MYRIP: variants seen among roughly 807,000 people sequenced by gnomAD.
MYRIP encodes rab effector MyRIP.
A neutral mutation model predicts 98.0 loss-of-function variants in MYRIP; 49 were observed. The ratio of observed to expected loss-of-function variants is 0.50; its 90% CI spans 0.40 to 0.63. MYRIP has a LOEUF of 0.63. MYRIP is among the 30% of genes least tolerant of loss of function. The pLI is 0.00. For synonymous variants in MYRIP, 404 were observed against 409.5 expected (o/e 0.99, Z 0.16); for missense variants, 1,004 against 1,058.2 (o/e 0.95, Z 0.71).
At chr3:40,035,561 A>G (rs778389378) in intron 2 of MYRIP, among the ~76,000 whole-genome samples, 18 of 152,042 alleles carry the variant, frequency 1.2e-4, no homozygotes, top group Non-Finnish European at 1.8e-4. Context: ...AGAACTGAAT[A>G]TAAGAATCAG....
At chr3:40,126,134 C>T (rs565326313) in intron 3 of MYRIP, among the ~76,000 whole-genome samples, 1 of 152,326 alleles carries the variant, frequency 6.6e-6, no homozygotes, top group South Asian at 2.1e-4. Context: ...ACCTGCCCAA[C>T]CTATCTCAAA....
At chr3:39,855,761 C>T (rs1465892987) in intron 1 of MYRIP, among the ~76,000 whole-genome samples, 1 of 152,122 alleles carries the variant, frequency 6.6e-6, no homozygotes, top group Non-Finnish European at 1.5e-5. Context: ...TTGGACCTTG[C>T]CTATCCCTGT....
intron 1 of MYRIP, among the ~76,000 whole-genome samples, chr3:39,826,541 A>C (rs559501119): frequency 6.6e-6 from 1 of 152,212 alleles, no homozygotes; most frequent in East Asian, 1.9e-4. Flanking sequence ...TGTTTTAAAA[A>C]ATTTTTTGAG....
chr3:39,941,237 T>C (rs1219962581), intron 2 of MYRIP, among the ~76,000 whole-genome samples: 1 of 152,098 alleles, frequency 6.6e-6, no homozygotes. Flanking sequence ...CAGGAAGCTT[T>C]TACTCGTGAG....
intron 3 of MYRIP, among the ~76,000 whole-genome samples, chr3:40,049,733 A>G (rs1206915943): frequency 6.6e-6 from 1 of 152,158 alleles, no homozygotes; most frequent in Non-Finnish European, 1.5e-5. Flanking sequence ...CCAAAAGCTA[A>G]GTTTCTTGAG....
chr3:40,187,522 G>GT (rs1951071542), intron 9 of MYRIP, among the ~76,000 whole-genome samples: 1 of 152,170 alleles, frequency 6.6e-6, no homozygotes, highest in African/African-American at 2.4e-5. Flanking sequence ...ACCCAGTGAG[G>GT]TTTTAGCTAT....
chr3:40,258,352 C>A lies in MYRIP; in HGVS notation c.*186C>A. 2 of 598,014 alleles carry A rather than the reference C, an allele frequency of 3.3e-6. No individual in the cohort carries two copies. Among genetic ancestry groups the A allele is most frequent in the Non-Finnish European group, 5.9e-6 (2 of 337,964 alleles). The allele number at this position is 598,014 out of a possible 1,614,324, so 37.0% of individuals were successfully genotyped here. A position where few individuals can be genotyped will look rare whatever the true frequency, so the allele number is the denominator to read the frequency against. On this transcript the variant is annotated 3_prime_UTR_variant, in exon 17 of 17. Coordinates refer to ENST00000302541, the MANE Select transcript of MYRIP (RefSeq NM_015460.4). Reference sequence around the variant, plus strand: ...AAAGCCGTCTCAGACTTCAGCACTGCGGTCTTGCCCACTCTCTGCCTTAGG... The same window carrying A: ...AAAGCCGTCTCAGACTTCAGCACTGAGGTCTTGCCCACTCTCTGCCTTAGG...
At chr3:39,956,675 G>A (rs1402162613) in intron 2 of MYRIP, among the ~76,000 whole-genome samples, 1 of 148,940 alleles carries the variant, frequency 6.7e-6, no homozygotes, top group South Asian at 2.1e-4. Context: ...AAATAACTAA[G>A]ATCAGAGCAG....
At chr3:39,873,654 T>C (rs1241572563) in intron 1 of MYRIP, among the ~76,000 whole-genome samples, 1 of 152,114 alleles carries the variant, frequency 6.6e-6, no homozygotes, top group South Asian at 2.1e-4. Flanking sequence ...GTTGTAGATA[T>C]GTGGCGTTAT....
intron 3 of MYRIP, among the ~76,000 whole-genome samples, chr3:40,094,255 T>C (rs1996562): frequency 0.24 from 36,114 of 152,176 alleles, 4,623 homozygotes; most frequent in East Asian, 0.36. Context: ...TCTTAATAGC[T>C]GATTATTTAA....
intron 1 of MYRIP, among the ~76,000 whole-genome samples, chr3:39,830,011 T>G (rs1029941513): frequency 1.3e-5 from 2 of 152,182 alleles, no homozygotes; most frequent in African/African-American, 4.8e-5. Context: ...ACTACCAGCT[T>G]CACAATCTGT....
chr3:40,050,619 C>T (rs72871449), intron 3 of MYRIP, among the ~76,000 whole-genome samples: 3,740 of 152,210 alleles, frequency 0.025, 149 homozygotes, highest in African/African-American at 0.083. Context: ...GTAATTTTGA[C>T]TTTTAAGTCT....
At chr3:39,811,170 T>G (rs549678743) in intron 1 of MYRIP, among the ~76,000 whole-genome samples, 1 of 152,250 alleles carries the variant, frequency 6.6e-6, no homozygotes, top group Admixed American at 6.5e-5. Flanking sequence ...ATTATCACCT[T>G]GTCCCTTCAA....
chr3:39,991,871 T>C (rs925040125), intron 2 of MYRIP, among the ~76,000 whole-genome samples: 2 of 152,234 alleles, frequency 1.3e-5, no homozygotes, highest in African/African-American at 4.8e-5. Flanking sequence ...GGAGCAAGGA[T>C]CTTTGTCTCA....
At chr3:40,105,895 C>G (rs1412759074) in intron 3 of MYRIP, among the ~76,000 whole-genome samples, 1 of 152,120 alleles carries the variant, frequency 6.6e-6, no homozygotes, top group African/African-American at 2.4e-5. Flanking sequence ...CCCACTAGGT[C>G]TCTCCCTAGA....
intron 2 of MYRIP, among the ~76,000 whole-genome samples, chr3:39,909,193 C>A (rs1943956833): frequency 6.6e-6 from 1 of 152,144 alleles, no homozygotes; most frequent in African/African-American, 2.4e-5. Context: ...AGCCTGGAGA[C>A]TCATGGAGGG....
At chr3:40,153,927 G>A (rs1285999102) in intron 4 of MYRIP, among the ~76,000 whole-genome samples, 1 of 151,996 alleles carries the variant, frequency 6.6e-6, no homozygotes, top group Admixed American at 6.6e-5. Context: ...AGATCACAAG[G>A]TCAGGAGATC....
rs552013881 is a variant in MYRIP at position 40,076,430 on chromosome 3, A to G, written c.332+32159A>G. Among the ~76,000 whole-genome samples the G allele has an allele frequency of 4.6e-5, 7 of 152,292 alleles. No individual in the cohort carries two copies. In the South Asian group the frequency reaches 1.2e-3, roughly 27 times the overall value. On this transcript the variant is annotated intron_variant, in intron 3 of 16. Transcript: ENST00000302541. ...TGGCAGAGCTTTGGAAAAAAATCACATTGCCCAACCACAAACCATATCAAT... is the reference window on the plus strand; with the variant it reads ...TGGCAGAGCTTTGGAAAAAAATCACGTTGCCCAACCACAAACCATATCAAT...
intron 3 of MYRIP, among the ~76,000 whole-genome samples, chr3:40,062,884 C>A (rs1252451397): frequency 3.9e-5 from 6 of 152,060 alleles, no homozygotes; most frequent in African/African-American, 1.4e-4. Flanking sequence ...TCTTTATACA[C>A]CAAGATGTAG....
Sources: allele counts gnomAD v4.1 joint callset (sites outside exome capture counted in the v4.1 genomes callset), GRCh38; gene constraint gnomAD v4.1.1; transcripts MANE v1.5; gene names NCBI Gene and HGNC (gene_info 2026-07-23, HGNC 2026-07-21).